KAZN: variants seen among roughly 807,000 people sequenced by gnomAD.
The protein encoded by KAZN is kazrin.
In KAZN, 40 loss-of-function variants were observed where a neutral mutation model predicts 87.4. That is an observed-to-expected ratio of 0.46 (90% CI 0.36 to 0.60). The LOEUF is 0.60. Ranked by LOEUF, KAZN falls within the 20% of genes least tolerant of loss-of-function variation. The pLI is 0.00. For missense variants in KAZN, 898 were observed against 1,073.9 expected (o/e 0.84, Z 2.29); for synonymous variants, 466 against 458.3 (o/e 1.02, Z -0.22).
At chr1:14,759,066 G>A (rs1227227850) in intron 1 of KAZN, among the ~76,000 whole-genome samples, 2 of 152,224 alleles carry the variant, frequency 1.3e-5, no homozygotes, top group African/African-American at 4.8e-5. Flanking sequence ...GGGATTTTAA[G>A]AAGGGAGGGA....
intron 2 of KAZN, among the ~76,000 whole-genome samples, chr1:14,252,836 A>G (rs72865770): frequency 0.036 from 5,453 of 152,214 alleles, 181 homozygotes; most frequent in African/African-American, 0.083. Flanking sequence ...TTGTTGGTTC[A>G]ATGCAGGGGC....
At chr1:14,614,887 C>T (rs1678103581) in intron 1 of KAZN, among the ~76,000 whole-genome samples, 1 of 152,216 alleles carries the variant, frequency 6.6e-6, no homozygotes, top group African/African-American at 2.4e-5. Flanking sequence ...AGTGCAAATG[C>T]TGTCTCTTAA....
intron 2 of KAZN, among the ~76,000 whole-genome samples, chr1:14,430,786 G>A (rs370059663): frequency 6.6e-6 from 1 of 152,212 alleles, no homozygotes; most frequent in South Asian, 2.1e-4. Context: ...GACAGGTATC[G>A]AGCCATAGCT....
At chr1:14,635,119 C>T (rs1440295126) in intron 1 of KAZN, among the ~76,000 whole-genome samples, 2 of 152,182 alleles carry the variant, frequency 1.3e-5, no homozygotes, top group Non-Finnish European at 2.9e-5. Flanking sequence ...TGTACTGGTG[C>T]AGACTAAGTA....
chr1:14,520,882 C>T (rs1009291840), intron 2 of KAZN, among the ~76,000 whole-genome samples: 3 of 152,206 alleles, frequency 2.0e-5, no homozygotes, highest in Admixed American at 2.0e-4. Context: ...CCAGCACCTG[C>T]AGCAAACTGT....
chr1:14,048,842 C>T (rs1262251591), intron 1 of KAZN, among the ~76,000 whole-genome samples: 2 of 152,182 alleles, frequency 1.3e-5, no homozygotes, highest in Admixed American at 6.5e-5. Flanking sequence ...TGAGGAATCA[C>T]CACACTGACT....
chr1:14,563,662 TC>T (rs1421075782), intron 2 of KAZN, among the ~76,000 whole-genome samples: 2 of 151,932 alleles, frequency 1.3e-5, no homozygotes, highest in African/African-American at 4.8e-5. Flanking sequence ...CCCTCAACTC[TC>T]ATCAGCTCCA....
intron 1 of KAZN, among the ~76,000 whole-genome samples, chr1:14,079,565 A>G (rs1163389050): frequency 1.3e-5 from 2 of 152,140 alleles, no homozygotes; most frequent in Non-Finnish European, 2.9e-5. Context: ...GGATTACTAT[A>G]TTTTGTAAAT....
chr1:14,883,917 T>A (rs1653761794), intron 1 of KAZN, among the ~76,000 whole-genome samples: 1 of 152,174 alleles, frequency 6.6e-6, no homozygotes, highest in Admixed American at 6.5e-5. Flanking sequence ...TCAGTCTGTT[T>A]TACAGAAGAG....
At chr1:14,757,203 T>G (rs742466) in intron 1 of KAZN, among the ~76,000 whole-genome samples, 85,069 of 152,006 alleles carry the variant, frequency 0.56, 24,802 homozygotes, top group African/African-American at 0.68. Flanking sequence ...TTACAATATA[T>G]GGTTTTTTTC....
At chr1:15,024,441 A>G (rs576645407) in intron 2 of KAZN, among the ~76,000 whole-genome samples, 56 of 152,362 alleles carry the variant, frequency 3.7e-4, no homozygotes, top group Middle Eastern at 3.4e-3. Flanking sequence ...GAGAAATGGA[A>G]TGAGAGCTGG....
chr1:13,924,582 G>C lies in KAZN; in HGVS notation c.91+30826G>C, dbSNP rs537423071. On this transcript the variant is annotated intron_variant, in intron 1 of 16. Transcript: ENST00000636203. ...ATTCAGTCATCCCTGTGCTCACTGAGATAAATGCATATCTGATTGCCTCCT... is the reference window on the plus strand; with the variant it reads ...ATTCAGTCATCCCTGTGCTCACTGACATAAATGCATATCTGATTGCCTCCT... 1.4e-3 allele frequency among the ~76,000 whole-genome samples: 217 copies of C among 152,320 alleles called. 2 individuals carry two copies. The highest frequency in any genetic ancestry group is 4.4e-3 in the African/African-American group (184 of 41,570).
chr1:14,439,984 C>T (rs1666608035), intron 2 of KAZN, among the ~76,000 whole-genome samples: 1 of 152,188 alleles, frequency 6.6e-6, no homozygotes, highest in Non-Finnish European at 1.5e-5. Context: ...CTACTCCCAA[C>T]CCCACTGTTC....
At chr1:14,491,426 A>G (rs1669639853) in intron 2 of KAZN, among the ~76,000 whole-genome samples, 1 of 151,938 alleles carries the variant, frequency 6.6e-6, no homozygotes, top group African/African-American at 2.4e-5. Flanking sequence ...TACATTAGGT[A>G]TTTCTCCTAA....
intron 1 of KAZN, among the ~76,000 whole-genome samples, chr1:14,618,801 T>C (rs1424752312): frequency 1.3e-5 from 2 of 152,232 alleles, no homozygotes; most frequent in Non-Finnish European, 2.9e-5. Context: ...GATAGTAGTA[T>C]GTGCAAGGTA....
chr1:14,514,408 A>T (rs1198670309), intron 2 of KAZN, among the ~76,000 whole-genome samples: 4 of 15,322 alleles, frequency 2.6e-4, no homozygotes, highest in East Asian at 8.9e-4. Flanking sequence ...TATATATATA[A>T]TATATAAATA....
chr1:14,815,880 G>T (rs1423858963), intron 1 of KAZN, among the ~76,000 whole-genome samples: 1 of 152,160 alleles, frequency 6.6e-6, no homozygotes, highest in Non-Finnish European at 1.5e-5. Flanking sequence ...AGATAAAGGA[G>T]ATCCCATCAC....
At chr1:14,889,709 G>C (rs1182536811) in intron 1 of KAZN, among the ~76,000 whole-genome samples, 2 of 152,180 alleles carry the variant, frequency 1.3e-5, no homozygotes, top group African/African-American at 4.8e-5. Flanking sequence ...AAGAATGTTT[G>C]TACACTTTTA....
intron 1 of KAZN, among the ~76,000 whole-genome samples, chr1:14,165,162 TA>T (rs1172817254): frequency 2.6e-5 from 4 of 152,120 alleles, no homozygotes; most frequent in Non-Finnish European, 5.9e-5. Flanking sequence ...CTGACAGTCC[TA>T]AAATGTGAGC....
Sources: allele counts gnomAD v4.1 joint callset (sites outside exome capture counted in the v4.1 genomes callset), GRCh38; gene constraint gnomAD v4.1.1; transcripts MANE v1.5; gene names NCBI Gene and HGNC (gene_info 2026-07-23, HGNC 2026-07-21).